The following SCN11A variants were observed in gnomAD, a reference collection of about 807,000 sequenced individuals.
SCN11A encodes the protein sodium voltage-gated channel alpha subunit 11.
Under a neutral mutation model 162.2 loss-of-function variants are expected in SCN11A, and 122 were observed. That is an observed-to-expected ratio of 0.75 (90% confidence interval 0.65 to 0.87). SCN11A has a LOEUF of 0.87. Among genes scored for constraint, SCN11A ranks in the 40% least tolerant of loss-of-function variants. The pLI, the probability that SCN11A is intolerant of heterozygous loss-of-function variation, is 0.00. For synonymous variants in SCN11A, 758 were observed against 751.5 expected (o/e 1.01, Z -0.14); for missense variants, 2,015 against 2,181.6 (o/e 0.92, Z 1.52).
In SCN11A at chr3:38,902,603, C is replaced by T. The variant is rs1402196939; in HGVS notation, c.1842+1262G>A. 6.6e-5 allele frequency among the ~76,000 whole-genome samples: 10 copies of T among 151,770 alleles called. No individual in the cohort carries two copies. The East Asian group carries it at 1.9e-3, about 29-fold the overall frequency. The stretch of plus-strand genomic sequence containing the variant: ...CACGATCTCGGCTCACTGCAAGATC[C>T]GCCTCCCTGGTTCACACCATTCTCC... On this transcript the variant is annotated intron_variant, in intron 16 of 29. Transcript: ENST00000302328.
rs570902561 is a variant in SCN11A at position 38,846,610 on chromosome 3, T to C, written c.*84A>G. 49 of 1,043,378 alleles carry C rather than the reference T, an allele frequency of 4.7e-5. 1 individual carries two copies. In the South Asian group the frequency reaches 5.7e-4, roughly 12 times the overall value. 64.6% of individuals were successfully genotyped at this position (1,043,378 alleles called of 1,614,324 possible). ...GCTAATTTGGTGAATCCACTCCCTG[T>C]TGATACACTAAGCTGCTGACCCCTG... On this transcript the variant is annotated 3_prime_UTR_variant, in exon 30 of 30. Coordinates refer to ENST00000302328, the MANE Select transcript of SCN11A (RefSeq NM_001349253.2).
At chr3:39,029,750 CT>C (rs1381032256) in intron 2 of SCN11A, among the ~76,000 whole-genome samples, 2 of 152,296 alleles carry the variant, frequency 1.3e-5, no homozygotes, top group East Asian at 1.9e-4. Context: ...GCAACTGCCC[CT>C]CCCACAATAT....
intron 7 of SCN11A, 111 bp from the exon 8 acceptor site, chr3:38,927,042 T>A: frequency 3.8e-6 from 4 of 1,056,918 alleles, no homozygotes; most frequent in Non-Finnish European, 5.5e-6. Context: ...ATGTGACATT[T>A]AACATTCTGG....
chr3:39,026,776 C>G (rs1264628892), intron 2 of SCN11A, among the ~76,000 whole-genome samples: 2 of 152,198 alleles, frequency 1.3e-5, no homozygotes, highest in East Asian at 3.9e-4. Flanking sequence ...TAAGAAGATA[C>G]TGAGGGAGAG....
At chr3:38,979,601 A>G (rs2029943711) in intron 2 of SCN11A, among the ~76,000 whole-genome samples, 1 of 152,216 alleles carries the variant, frequency 6.6e-6, no homozygotes, top group Non-Finnish European at 1.5e-5. Context: ...ACAGCCTTCC[A>G]TGATTCTTTT....
intron 7 of SCN11A, among the ~76,000 whole-genome samples, chr3:38,930,886 G>C (rs1002488553): frequency 2.0e-5 from 3 of 152,182 alleles, no homozygotes; most frequent in African/African-American, 7.2e-5. Context: ...TGCTTAAAGA[G>C]GGGTTTTCCT....
rs147609103 is a variant in SCN11A, at chr3:38,885,346, G to A, written c.3006C>T (p.Gly1002=). 6.5e-5 allele frequency: 105 copies of A among 1,613,710 alleles called. 1 individual carries two copies. The African/African-American group carries it at 1.3e-3, about 19-fold the overall frequency. Residue 1002 remains glycine, a synonymous_variant, in exon 21 of 30, where the codon GGC becomes GGT. Transcript: ENST00000302328. ...SECSTIDLQD[G]FGWLPEMVPK... ...GAACCATCTCAGGTAACCATCCAAA[G>A]CCATCCTGAAGATCAATGGTGCTAC...
chr3:39,007,010 G>A (rs74449029), intron 2 of SCN11A, among the ~76,000 whole-genome samples: 6,504 of 151,944 alleles, frequency 0.043, 262 homozygotes, highest in African/African-American at 0.1. Flanking sequence ...TAGAGAGAGA[G>A]AAAAAGAAGA....
intron 2 of SCN11A, among the ~76,000 whole-genome samples, chr3:38,963,055 G>A (rs1259474878): frequency 6.6e-6 from 1 of 151,468 alleles, no homozygotes; most frequent in Admixed American, 6.6e-5. Context: ...AACAGTAGAT[G>A]TTGGCGTGGA....
rs1276367276 is a variant in SCN11A, at chr3:38,880,014, A to T, written c.3329T>A (p.Val1110Glu). ...IFILEMVLKW[V>E]AFGFGKYFTS... ...GAAATACTTTCCAAATCCGAAGGCT[A>T]CCCATTTTAGTACCATCTCCAGGAT... Residue 1110 changes from valine (V) to glutamate (E), a missense_variant, in exon 23 of 30, where the codon GTA becomes GAA. By Grantham distance (121) the Val-to-Glu change is moderately radical. Transcript: ENST00000302328. The T allele has an allele frequency of 6.2e-7, 1 of 1,612,714 alleles. No homozygotes were observed. Among genetic ancestry groups the T allele is most frequent in the East Asian group, 2.2e-5 (1 of 44,846 alleles).
At chr3:38,933,412 G>A (rs1429633733) in intron 7 of SCN11A, among the ~76,000 whole-genome samples, 1 of 152,156 alleles carries the variant, frequency 6.6e-6, no homozygotes, top group African/African-American at 2.4e-5. Flanking sequence ...GGCTTCAGAC[G>A]ATCAAACTAC....
At chr3:39,006,760 C>T (rs1245342939) in intron 2 of SCN11A, among the ~76,000 whole-genome samples, 5 of 152,154 alleles carry the variant, frequency 3.3e-5, no homozygotes, top group East Asian at 1.9e-4. Context: ...CATGATTGTA[C>T]CACTGCACTC....
intron 1 of SCN11A, among the ~76,000 whole-genome samples, chr3:39,049,015 G>C (rs963552661): frequency 6.6e-6 from 1 of 152,226 alleles, no homozygotes; most frequent in African/African-American, 2.4e-5. Context: ...GTGGAACAGA[G>C]ACAATCTGTT....
At chr3:38,997,253 T>G (rs569759297) in intron 2 of SCN11A, among the ~76,000 whole-genome samples, 1 of 152,292 alleles carries the variant, frequency 6.6e-6, no homozygotes, top group East Asian at 1.9e-4. Flanking sequence ...TTACTTACAC[T>G]TACTCCACTT....
chr3:38,904,216 G>A (rs1321375724), intron 15 of SCN11A, 113 bp from the exon 16 acceptor site: 1 of 611,160 alleles, frequency 1.6e-6, no homozygotes, highest in Non-Finnish European at 2.8e-6. Context: ...TACATGATCA[G>A]TTGTGAAATG....
At chr3:38,995,803 A>ATCTATCTGTCTGTCTG (rs1553648572) in intron 2 of SCN11A, among the ~76,000 whole-genome samples, 3 of 135,150 alleles carry the variant, frequency 2.2e-5, no homozygotes, top group African/African-American at 6.2e-5. Context: ...TAAATTGTCT[A>ATCTATCTGTCTGTCTG]TCTATCTATC....
chr3:38,871,841 C>T, intron 24 of SCN11A, 133 bp from the exon 25 acceptor site: 1 of 727,648 alleles, frequency 1.4e-6, no homozygotes. Context: ...CATACATGTG[C>T]CCCATCCCCA....
chr3:38,987,978 G>C (rs556184949), intron 2 of SCN11A, among the ~76,000 whole-genome samples: 1 of 152,180 alleles, frequency 6.6e-6, no homozygotes, highest in African/African-American at 2.4e-5. Flanking sequence ...AGAATCAAGC[G>C]TGAGGGAAAC....
rs761637482 is a variant in SCN11A at position 38,905,360 on chromosome 3, G to GCTGC, written c.1474-43_1474-40dup. 9 of 1,593,018 alleles carry GCTGC rather than the reference G, an allele frequency of 5.6e-6. No homozygotes were observed. The Admixed American group carries it at 1.6e-4, about 28-fold the overall frequency. ...CATAGGGCACCTTCTAAAGACAGGG[G>GCTGC]CTGCCTCTCCTCAAAACTTAACAAA... On this transcript the variant is annotated intron_variant, in intron 14 of 29. Transcript: ENST00000302328.
Sources: gnomAD v4.1 joint callset for allele counts (sites outside exome capture counted in the v4.1 genomes callset) on GRCh38, gnomAD v4.1.1 for gene constraint, MANE v1.5 for transcripts, NCBI Gene and HGNC (gene_info 2026-07-23, HGNC 2026-07-21) for gene names.